Variants in MAP2K5 observed in about 807,000 individuals in gnomAD.
MAP2K5 encodes the protein dual specificity mitogen-activated protein kinase kinase 5.
In MAP2K5, 49 loss-of-function variants were observed where a neutral mutation model predicts 83.1. That is an observed-to-expected ratio of 0.59 (90% confidence interval 0.47 to 0.75). The LOEUF (loss-of-function observed/expected upper bound fraction) is 0.75. Ranked by LOEUF, MAP2K5 falls within the 30% of genes least tolerant of loss-of-function variation. The probability of loss-of-function intolerance (pLI) is 0.00; values close to 1 mark genes in which losing one functional copy is unlikely to be tolerated. For missense variants in MAP2K5, 457 were observed against 557.5 expected (o/e 0.82, Z 1.82); for synonymous variants, 202 against 191.8 (o/e 1.05, Z -0.44).
chr15:67,691,740 A>C (rs1190984489), intron 13 of MAP2K5, among the ~76,000 whole-genome samples: 6 of 152,170 alleles, frequency 3.9e-5, no homozygotes, highest in African/African-American at 1.4e-4. Context: ...ACGATGCTTC[A>C]CAGAAATCCT....
In MAP2K5 at chr15:67,794,486, T is replaced by C. The variant is rs2090570633; in HGVS notation, c.1243-12160T>C. 6.6e-6 allele frequency among the ~76,000 whole-genome samples: 1 copy of C among 152,186 alleles called. No homozygotes were observed. The highest frequency in any genetic ancestry group is 1.5e-5 in the Non-Finnish European group (1 of 68,030). ...ATAGCAGAAACTTGAGAATAATTGG[T>C]AATTTTCAATCCTGTAGAAAACTAG... On this transcript the variant is annotated intron_variant, in intron 21 of 21. Transcript: ENST00000178640. The surrounding 1 kb of genome is among the most constrained non-coding windows in gnomAD (Gnocchi z 4.6).
At position 67,543,192 on chromosome 15, in the gene MAP2K5, T is replaced by G; in HGVS notation, c.-144T>G. 3 of 780,164 alleles carry G rather than the reference T, an allele frequency of 3.8e-6. No individual in the cohort carries two copies. Among genetic ancestry groups the G allele is most frequent in the African/African-American group, 1.7e-5 (1 of 57,834 alleles). The allele number at this position is 780,164 out of a possible 1,614,324, so 48.3% of individuals were successfully genotyped here. A position where few individuals can be genotyped will look rare whatever the true frequency, so the allele number is the denominator to read the frequency against. On this transcript the variant is annotated 5_prime_UTR_variant, in exon 1 of 22. Transcript: ENST00000178640. The surrounding 1 kb of genome is among the most constrained non-coding windows in gnomAD (Gnocchi z 4.3). ...GGTGCGTTCCTGATCACCCCTCCCC[T>G]CTTCCCTCCCCCTCATCCTCCATTC...
At chr15:67,601,395 C>T (rs947997682) in intron 8 of MAP2K5, among the ~76,000 whole-genome samples, 12 of 152,178 alleles carry the variant, frequency 7.9e-5, no homozygotes, top group Non-Finnish European at 1.6e-4. Context: ...AAAGTTTAAA[C>T]TACATAATGT....
chr15:67,620,019 A>G (rs999788924), intron 8 of MAP2K5, among the ~76,000 whole-genome samples: 3 of 152,244 alleles, frequency 2.0e-5, no homozygotes, highest in African/African-American at 7.2e-5. Flanking sequence ...GCATCGAGCT[A>G]TGATTGTCAC....
intron 12 of MAP2K5, chr15:67,658,948 G>A (rs1157148353): frequency 2.5e-6 from 1 of 395,256 alleles, no homozygotes; most frequent in Non-Finnish European, 4.9e-6. Context: ...ATTAGCATAT[G>A]ATTAGCAAAT....
rs1270322971 is a variant in MAP2K5, at chr15:67,801,997, G to T, written c.1243-4649G>T. On this transcript the variant is annotated intron_variant, in intron 21 of 21. Coordinates refer to ENST00000178640, the MANE Select transcript of MAP2K5 (RefSeq NM_145160.3). This position sits in a 1 kb window ranked among gnomAD's most constrained non-coding sequence, Gnocchi z 4.8. Reference sequence around the variant, plus strand: ...TCATTAAATGAGCACTGGACTGGAAGTCCAGCCCCACAGGCCTCAGGCAGC... The same window carrying T: ...TCATTAAATGAGCACTGGACTGGAATTCCAGCCCCACAGGCCTCAGGCAGC... Among the ~76,000 whole-genome samples, 1 of 152,176 alleles carries T rather than the reference G, an allele frequency of 6.6e-6. No homozygotes were observed. Among genetic ancestry groups the T allele is most frequent in the East Asian group, 1.9e-4 (1 of 5,184 alleles).
At chr15:67,591,605 G>A (rs376288047) in intron 6 of MAP2K5, among the ~76,000 whole-genome samples, 1 of 151,064 alleles carries the variant, frequency 6.6e-6, no homozygotes, top group East Asian at 2.1e-4. Flanking sequence ...TCCTGACCTC[G>A]TGATCCACCT....
intron 9 of MAP2K5, among the ~76,000 whole-genome samples, chr15:67,633,685 T>C (rs1047229374): frequency 6.6e-6 from 1 of 152,240 alleles, no homozygotes; most frequent in Non-Finnish European, 1.5e-5. Context: ...ATTCACTTTG[T>C]ATCTCTAGAT....
At chr15:67,579,856 CAT>C (rs958771598) in intron 3 of MAP2K5, among the ~76,000 whole-genome samples, 13 of 152,136 alleles carry the variant, frequency 8.5e-5, no homozygotes, top group Admixed American at 2.0e-4. Flanking sequence ...ATAATATGCA[CAT>C]GTTTTTAATA....
chr15:67,654,081 A>G (rs2087013628), intron 11 of MAP2K5, among the ~76,000 whole-genome samples: 2 of 152,038 alleles, frequency 1.3e-5, no homozygotes, highest in African/African-American at 2.4e-5. Context: ...GTATTTTCTT[A>G]TTAATCTTCT....
intron 8 of MAP2K5, among the ~76,000 whole-genome samples, chr15:67,621,774 A>C (rs2086192165): frequency 6.6e-6 from 1 of 152,242 alleles, no homozygotes; most frequent in Admixed American, 6.5e-5. Context: ...TAGGCACTGG[A>C]AATAATAGCA....
Position 67,782,003 on chromosome 15 carries a change from T to A in MAP2K5, c.1242+9251T>A, listed in dbSNP as rs1259977231. On this transcript the variant is annotated intron_variant, in intron 21 of 21. Transcript: ENST00000178640. This position sits in a 1 kb window ranked among gnomAD's most constrained non-coding sequence, Gnocchi z 4.9. ...GATTATGACAGTAACTTTATTTGGC[T>A]GGACTGCTTTAGCCTCTTGTTCAGA... 6.6e-6 allele frequency among the ~76,000 whole-genome samples: 1 copy of A among 152,276 alleles called. No individual in the cohort carries two copies. The highest frequency in any genetic ancestry group is 1.5e-5 in the Non-Finnish European group (1 of 68,044).
At chr15:67,729,162 T>C (rs898895940) in intron 17 of MAP2K5, among the ~76,000 whole-genome samples, 1 of 152,250 alleles carries the variant, frequency 6.6e-6, no homozygotes, top group African/African-American at 2.4e-5. Flanking sequence ...GCCTTGCTGC[T>C]TAGCTCTAGG....
chr15:67,619,237 A>G (rs1223090850), intron 8 of MAP2K5, among the ~76,000 whole-genome samples: 1 of 152,100 alleles, frequency 6.6e-6, no homozygotes, highest in Non-Finnish European at 1.5e-5. Flanking sequence ...CCCCAACCCT[A>G]ATATCAAATA....
intron 15 of MAP2K5, among the ~76,000 whole-genome samples, chr15:67,697,474 A>AAT (rs1252699059): frequency 6.6e-6 from 1 of 152,174 alleles, no homozygotes; most frequent in Non-Finnish European, 1.5e-5. Context: ...TCAGAGACTA[A>AAT]ATTCTTAATT....
chr15:67,614,064 A>T (rs551086028), intron 8 of MAP2K5, among the ~76,000 whole-genome samples: 3 of 152,172 alleles, frequency 2.0e-5, no homozygotes, highest in African/African-American at 7.2e-5. Context: ...AAATTAGAGG[A>T]TCTAGAAGCA....
intron 3 of MAP2K5, among the ~76,000 whole-genome samples, chr15:67,574,036 T>G (rs1418524796): frequency 6.6e-6 from 1 of 152,228 alleles, no homozygotes; most frequent in African/African-American, 2.4e-5. Flanking sequence ...CTTAATAAAC[T>G]TGCTTTCACT....
chr15:67,762,201 G>A (rs1205625215), intron 19 of MAP2K5, among the ~76,000 whole-genome samples: 4 of 152,078 alleles, frequency 2.6e-5, no homozygotes, highest in Admixed American at 2.6e-4. Context: ...GACAATAACG[G>A]GTTTTACTTT....
rs1465070099 is a variant in MAP2K5, at chr15:67,775,110, G to A, written c.1242+2358G>A. On this transcript the variant is annotated intron_variant, in intron 21 of 21. Transcript: ENST00000178640. This position sits in a 1 kb window ranked among gnomAD's most constrained non-coding sequence, Gnocchi z 5.3. ...GCCATGCAGAGTGGGCACTTAGGTG[G>A]TGAGGTCACTGTTTATACCAGAATA... Among the ~76,000 whole-genome samples, 1 of 152,210 alleles carries A rather than the reference G, an allele frequency of 6.6e-6. No individual in the cohort carries two copies.
Sources: gnomAD v4.1 joint callset for allele counts (sites outside exome capture counted in the v4.1 genomes callset) on GRCh38, gnomAD v4.1.1 for gene constraint, Gnocchi (gnomAD v3.1) non-coding constraint, MANE v1.5 for transcripts, NCBI Gene and HGNC (gene_info 2026-07-23, HGNC 2026-07-21) for gene names.